GJA5: variants seen among roughly 807,000 people sequenced by gnomAD.
The protein encoded by GJA5 is gap junction protein alpha 5.
A neutral mutation model predicts 7.9 loss-of-function variants in GJA5; 3 were observed. The observed-to-expected ratio is 0.38, with a 90% confidence interval of 0.17 to 0.99. GJA5 has a LOEUF of 0.99. GJA5 is among the 50% of genes least tolerant of loss of function. The pLI, the probability that GJA5 is intolerant of heterozygous loss-of-function variation, is 0.38. For synonymous variants in GJA5, 193 were observed against 181.0 expected (o/e 1.07, Z -0.53); for missense variants, 390 against 457.9 (o/e 0.85, Z 1.35).
At position 147,758,680 on chromosome 1, in the gene GJA5, T is replaced by G. The variant is rs1663847329; in HGVS notation, c.559A>C (p.Arg187=). ...IFLTTLHVCR[R]SPCPHPVNCY... ...TTGACCGGGTGGGGACAGGGACTCC[T>G]GCGGCAGACATGCAGGGTGGTCAGG... Residue 187 remains arginine, a synonymous_variant, in exon 2 of 2, where the codon AGG becomes CGG. Transcript: ENST00000579774. The G allele has an allele frequency of 1.2e-6, 2 of 1,614,182 alleles. No individual in the cohort carries two copies. The highest frequency in any genetic ancestry group is 2.2e-5 in the South Asian group (2 of 91,088).
At position 147,758,558 on chromosome 1, in the gene GJA5, G is replaced by GTAGA; in HGVS notation, c.677_680dup (p.His228LeufsTer21). 6.2e-7 allele frequency: 1 copy of GTAGA among 1,613,620 alleles called. No individual in the cohort carries two copies. The highest frequency in any genetic ancestry group is 1.1e-5 in the South Asian group (1 of 91,070). ...GTCTGATCTTCTTCCAGCCCAGGTG[G>GTAGA]TAGAGTTCAGCCAGGCTAAGGAGGA... is the stretch of plus-strand genomic sequence containing the variant. On this transcript the variant is annotated frameshift_variant, in exon 2 of 2. Transcript: ENST00000579774. LOFTEE classifies it low-confidence loss of function (END_TRUNC).
In GJA5 at chr1:147,758,887, G is replaced by A. The variant is rs1553227026; in HGVS notation, c.352C>T (p.Arg118Trp). 3.1e-6 allele frequency: 5 copies of A among 1,614,104 alleles called. No individual in the cohort carries two copies. The highest frequency in any genetic ancestry group is 2.5e-6 in the Non-Finnish European group (3 of 1,180,034). Reference sequence around the variant, plus strand: ...GGGTACTCGTAAGAGCCAGAGCCCCGGACCTCTTTGGCCCTCTCGGCCTCC... The same window carrying A: ...GGGTACTCGTAAGAGCCAGAGCCCCAGACCTCTTTGGCCCTCTCGGCCTCC... ...LREAERAKEV[R>W]GSGSYEYPVA... is the part of the protein sequence containing the mutation. Residue 118 changes from arginine (R) to tryptophan (W), a missense_variant, in exon 2 of 2, where the codon CGG becomes TGG. By Grantham distance (101) the Arg-to-Trp change is moderately radical. Coordinates refer to ENST00000579774, the MANE Select transcript of GJA5 (RefSeq NM_181703.4).
chr1:147,769,360 G>A (rs1553228682), intron 1 of GJA5, among the ~76,000 whole-genome samples: 1 of 152,228 alleles, frequency 6.6e-6, no homozygotes, highest in Admixed American at 6.5e-5. Flanking sequence ...CTAAGGACTA[G>A]TAGGGCTAGG....
At chr1:147,762,510 A>G (rs791273), upstream of GJA5, among the ~76,000 whole-genome samples, 45,479 of 152,086 alleles carry the variant, frequency 0.3, 7,056 homozygotes, top group East Asian at 0.48. Context: ...CACAGATACA[A>G]GAAAGGAACA....
chr1:147,772,285 G>C (rs1664436277), intron 1 of GJA5, among the ~76,000 whole-genome samples: 1 of 152,134 alleles, frequency 6.6e-6, no homozygotes, highest in African/African-American at 2.4e-5. Context: ...TACTGCGAGG[G>C]AGAATAAGGA....
At chr1:147,766,522 A>C (rs901698775) in intron 1 of GJA5, among the ~76,000 whole-genome samples, 2 of 152,258 alleles carry the variant, frequency 1.3e-5, no homozygotes, top group Admixed American at 6.5e-5. Flanking sequence ...CCAGAACACC[A>C]GGGAGATGGA....
chr1:147,771,093 C>A (rs1664380384), intron 1 of GJA5, among the ~76,000 whole-genome samples: 1 of 152,190 alleles, frequency 6.6e-6, no homozygotes, highest in South Asian at 2.1e-4. Flanking sequence ...GCAGGTCATC[C>A]AGTTCCTGTC....
chr1:147,766,956 T>A (rs1664225932), intron 1 of GJA5, among the ~76,000 whole-genome samples: 1 of 152,154 alleles, frequency 6.6e-6, no homozygotes, highest in African/African-American at 2.4e-5. Flanking sequence ...ATCAGTGCAG[T>A]TTAGTTCAGA....
chr1:147,759,074 A>G lies in GJA5; in HGVS notation c.165T>C (p.Asp55=). 6.2e-7 allele frequency: 1 copy of G among 1,613,132 alleles called. No homozygotes were observed. ...CATTCTGGCAGCCAGGCTGAATCGT[A>G]TCACACCGGAAATCAGCCTGCTCAT... ...WGDEQADFRC[D]TIQPGCQNVC... is the part of the protein sequence containing the mutation. The change falls in exon 2 of 2, where the codon GAT becomes GAC. Residue 55 remains aspartate, a synonymous_variant. Transcript: ENST00000579774.
intron 1 of GJA5, among the ~76,000 whole-genome samples, chr1:147,767,043 T>G (rs967747326): frequency 1.3e-5 from 2 of 152,222 alleles, no homozygotes; most frequent in African/African-American, 2.4e-5. Flanking sequence ...ATAACCTTTA[T>G]GTCAGAAGTC....
chr1:147,758,471 G>A lies in GJA5; in HGVS notation c.768C>T (p.Gly256=). 6.2e-7 allele frequency: 1 copy of A among 1,614,202 alleles called. No homozygotes were observed. Among genetic ancestry groups the A allele is most frequent in the Non-Finnish European group, 8.5e-7 (1 of 1,180,032 alleles). ...GGGGTGGTGTGCAGCTCTGGACTAT[G>A]CCCACAGAGGGGCCAGAAAGCTGGC... ...AKCQLSGPSV[G]IVQSCTPPPD... Residue 256 remains glycine, a synonymous_variant, in exon 2 of 2, where the codon GGC becomes GGT. Coordinates refer to ENST00000579774, the MANE Select transcript of GJA5 (RefSeq NM_181703.4).
chr1:147,764,223 G>A (rs781895175), upstream of GJA5, among the ~76,000 whole-genome samples: 62 of 152,040 alleles, frequency 4.1e-4, no homozygotes, highest in African/African-American at 1.1e-3. Flanking sequence ...CTCTGACTCC[G>A]CAAATCTACA....
chr1:147,773,327 C>A, exon 1 of GJA5: 1 of 152,468 alleles, frequency 6.6e-6, no homozygotes. Flanking sequence ...TCCAACTGCC[C>A]ACGCTTTTTG....
intron 1 of GJA5, among the ~76,000 whole-genome samples, chr1:147,767,197 T>C (rs1318585916): frequency 6.6e-6 from 1 of 152,174 alleles, no homozygotes; most frequent in Non-Finnish European, 1.5e-5. Flanking sequence ...TATCCTTTGA[T>C]ATTCCCAACT....
At chr1:147,763,080 T>C (rs1571072588), upstream of GJA5, among the ~76,000 whole-genome samples, 1 of 152,254 alleles carries the variant, frequency 6.6e-6, no homozygotes, top group East Asian at 1.9e-4. Context: ...ACTTTTCCAC[T>C]CACACACTCA....
upstream of GJA5, among the ~76,000 whole-genome samples, chr1:147,763,415 G>A (rs587690387): frequency 3.2e-4 from 49 of 152,312 alleles, no homozygotes; most frequent in African/African-American, 1.2e-3. Flanking sequence ...ATGGGAATGT[G>A]GGGCAGGAGC....
rs782580739 is a variant in GJA5 at position 147,758,479 on chromosome 1, A to G, written c.760T>C (p.Ser254Pro). 1 of 1,614,168 alleles carries G rather than the reference A, an allele frequency of 6.2e-7. No individual in the cohort carries two copies. Among genetic ancestry groups the G allele is most frequent in the South Asian group, 1.1e-5 (1 of 91,078 alleles). ...HMAKCQLSGP[S>P]VGIVQSCTPP... ...GTGCAGCTCTGGACTATGCCCACAG[A>G]GGGGCCAGAAAGCTGGCACTTAGCC... The change falls in exon 2 of 2, where the codon TCT (serine) becomes CCT (proline). Residue 254 changes from serine (S) to proline (P), a missense_variant. Physicochemically the swap from Ser to Pro is moderately conservative, Grantham distance 74. Transcript: ENST00000579774.
intron 1 of GJA5, chr1:147,773,140 A>C (rs1272993064): frequency 6.6e-6 from 1 of 152,254 alleles, no homozygotes; most frequent in Non-Finnish European, 1.5e-5. Context: ...ATAAACTCAC[A>C]GGTAGAAAGA....
intron 1 of GJA5, among the ~76,000 whole-genome samples, chr1:147,767,915 T>G (rs1276256813): frequency 6.6e-5 from 10 of 152,246 alleles, no homozygotes; most frequent in African/African-American, 2.4e-4. Flanking sequence ...TTGAGATCAT[T>G]GTTCGGATAG....
Sources: allele counts gnomAD v4.1 joint callset (sites outside exome capture counted in the v4.1 genomes callset), GRCh38; gene constraint gnomAD v4.1.1; transcripts MANE v1.5; gene names NCBI Gene and HGNC (gene_info 2026-07-23, HGNC 2026-07-21).